HEXA: variants seen among roughly 807,000 people sequenced by gnomAD.
HEXA encodes beta-hexosaminidase subunit alpha.
Under a neutral mutation model 73.3 loss-of-function variants are expected in HEXA, and 54 were observed. The observed-to-expected ratio is 0.74, with a 90% CI of 0.59 to 0.92. The LOEUF is 0.92. Ranked by LOEUF, HEXA falls within the 40% of genes least tolerant of loss-of-function variation. The pLI, the probability that HEXA is intolerant of heterozygous loss-of-function variation, is 0.00. For synonymous variants in HEXA, 230 were observed against 246.9 expected (o/e 0.93, Z 0.64); for missense variants, 649 against 653.0 (o/e 0.99, Z 0.07).
At chr15:72,350,725 C>A (rs974434164) in intron 6 of HEXA, 75 bp from the exon 7 acceptor site, 52 of 1,559,190 alleles carry the variant, frequency 3.3e-5, no homozygotes, top group Non-Finnish European at 4.3e-5. Context: ...AAAATGCCCA[C>A]AAGACTCCCC....
chr15:72,370,697 TA>T (rs371092265), intron 1 of HEXA: 61 of 339,070 alleles, frequency 1.8e-4, no homozygotes, highest in African/African-American at 1.2e-3. Flanking sequence ...ACCTGTTTCT[TA>T]AAAAAAAAAA....
chr15:72,368,920 G>C (rs1466412199), intron 1 of HEXA, among the ~76,000 whole-genome samples: 1 of 152,224 alleles, frequency 6.6e-6, no homozygotes, highest in East Asian at 1.9e-4. Context: ...TACCTAGTAA[G>C]GCATCTCTCT....
chr15:72,360,935 G>A (rs1342331932), intron 1 of HEXA, among the ~76,000 whole-genome samples: 3 of 152,118 alleles, frequency 2.0e-5, no homozygotes, highest in African/African-American at 7.2e-5. Flanking sequence ...TCATGATGTT[G>A]GTCATACTTA....
intron 1 of HEXA, 24 bp downstream of exon 1, chr15:72,375,696 C>T (rs764977484): frequency 1.9e-6 from 3 of 1,613,692 alleles, no homozygotes; most frequent in Non-Finnish European, 2.5e-6. Flanking sequence ...GGCCCAGGAA[C>T]AGGGCGGGAC....
intron 3 of HEXA, chr15:72,354,387 T>G (rs1290602273): frequency 6.5e-6 from 1 of 152,842 alleles, no homozygotes; most frequent in Non-Finnish European, 1.5e-5. Flanking sequence ...CACACAGGTA[T>G]GTTGAACCCA....
At chr15:72,364,565 A>T (rs1387202734) in intron 1 of HEXA, among the ~76,000 whole-genome samples, 1 of 152,192 alleles carries the variant, frequency 6.6e-6, no homozygotes, top group African/African-American at 2.4e-5. Context: ...ATTGTGAAAG[A>T]TATCTGTAGG....
At chr15:72,353,468 A>G (rs1474281871) in intron 4 of HEXA, among the ~76,000 whole-genome samples, 1 of 152,218 alleles carries the variant, frequency 6.6e-6, no homozygotes, top group Admixed American at 6.5e-5. Context: ...GTGTGGCCTC[A>G]AGGTCATTAC....
At chr15:72,351,295 T>C (rs2140324836) in intron 5 of HEXA, 61 bp from the exon 6 acceptor site, 3 of 1,180,622 alleles carry the variant, frequency 2.5e-6, no homozygotes, top group South Asian at 1.2e-5. Flanking sequence ...GCCTCAAACT[T>C]GCGATGTTGG....
chr15:72,368,653 G>A (rs1027778874), intron 1 of HEXA, among the ~76,000 whole-genome samples: 5 of 152,186 alleles, frequency 3.3e-5, no homozygotes, highest in African/African-American at 1.2e-4. Context: ...CACACTCTAG[G>A]AGCAGCTTCC....
chr15:72,341,934 C>A lies in HEXA; in HGVS notation c.*2143G>T, dbSNP rs2088558429. On this transcript the variant is annotated 3_prime_UTR_variant, in exon 14 of 14. Transcript: ENST00000268097. ...CAACAGGAATAGAAAATGACAGAAC[C>A]CTACTGCTTTAACTCAAGTGTATCA... 6.6e-6 allele frequency: 1 copy of A among 152,098 alleles called. No homozygotes were observed. The highest frequency in any genetic ancestry group is 1.9e-4 in the East Asian group (1 of 5,202). The allele number at this position is 152,098 out of a possible 1,614,324, so 9.4% of individuals were successfully genotyped here. A position where few individuals can be genotyped will look rare whatever the true frequency, so the allele number is the denominator to read the frequency against.
chr15:72,375,034 T>C (rs2089041683), intron 1 of HEXA, among the ~76,000 whole-genome samples: 1 of 151,190 alleles, frequency 6.6e-6, no homozygotes, highest in Non-Finnish European at 1.5e-5. Context: ...TTCCTTATGT[T>C]CTATGATTTC....
At position 72,375,717 on chromosome 15, in the gene HEXA, C is replaced by CACCTT; in HGVS notation, c.253+2_253+3insAAGGT. ...GGAACAGGGCGGGACAAGTCCGACT[C>CACCTT]ACCTGTGAGGTAAGGACGGGGCCAA... On this transcript the variant is annotated splice_region_variant and intron_variant, in intron 1 of 13. Transcript: ENST00000268097. 6.2e-7 allele frequency: 1 copy of CACCTT among 1,614,090 alleles called. No individual in the cohort carries two copies. Among genetic ancestry groups the CACCTT allele is most frequent in the Non-Finnish European group, 8.5e-7 (1 of 1,180,006 alleles).
At chr15:72,370,740 G>A in intron 1 of HEXA, 2 of 381,076 alleles carry the variant, frequency 5.2e-6, no homozygotes, top group East Asian at 7.4e-5. Context: ...ACAGGGCTGT[G>A]AGAAGAGAGG....
rs557550173 is a variant in HEXA, at chr15:72,347,745, C to A, written c.1087G>T (p.Val363Phe). 7.4e-5 allele frequency: 119 copies of A among 1,614,014 alleles called. No individual in the cohort carries two copies. The highest frequency in any genetic ancestry group is 9.7e-5 in the Non-Finnish European group (114 of 1,179,978). Residue 363 changes from valine (V) to phenylalanine (F), a missense_variant, in exon 10 of 14, where the codon GTC becomes TTC. Physicochemically the swap from Val to Phe is conservative, Grantham distance 50 (BLOSUM62 -1). Transcript: ENST00000268097. ...SFYIQTLLDI[V>F]SSYGKGYVVW... The stretch of plus-strand genomic sequence containing the variant: ...ACATAGCCCTTGCCATAAGAAGAGA[C>A]GATGTCCAGCAGCCTGGAGAGGAGA...
chr15:72,345,671 C>A, intron 12 of HEXA, 121 bp from the exon 13 acceptor site: 1 of 1,519,956 alleles, frequency 6.6e-7, no homozygotes, highest in South Asian at 1.2e-5. Flanking sequence ...AGGAAGTGAT[C>A]AATACCTTGT....
intron 12 of HEXA, 153 bp from the exon 13 acceptor site, chr15:72,345,703 A>C: frequency 7.6e-7 from 1 of 1,314,842 alleles, no homozygotes; most frequent in Non-Finnish European, 1.1e-6. Flanking sequence ...GCCAGGTTGG[A>C]TGGCTCCCAG....
In HEXA at chr15:72,346,556, A is replaced by G. The variant is rs1183145125; in HGVS notation, c.1301T>C (p.Phe434Ser). The change falls in exon 11 of 14, where the codon TTC becomes TCC. Residue 434 changes from phenylalanine (F) to serine (S), a missense_variant. Physicochemically the swap from Phe to Ser is radical, Grantham distance 155. Transcript: ENST00000268097. Reference protein sequence around the residue: ...RISYGPDWKDFYIVEPLAFEG... With the variant: ...RISYGPDWKDSYIVEPLAFEG... ...AAATGCCAGGGGTTCCACTATGTAG[A>G]AATCCTTCCAGTCAGGGCCATAGGA... The G allele has an allele frequency of 3.1e-6, 5 of 1,614,082 alleles. No individual in the cohort carries two copies. The South Asian group carries it at 5.5e-5, about 18-fold the overall frequency.
rs537121523 is a variant in HEXA at position 72,352,742 on chromosome 15, C to T, written c.570+326G>A. Among the ~76,000 whole-genome samples the T allele has an allele frequency of 6.6e-4, 101 of 151,928 alleles. 1 individual carries two copies. Among genetic ancestry groups the T allele is most frequent in the African/African-American group, 2.4e-3 (99 of 41,466 alleles). On this transcript the variant is annotated intron_variant, in intron 5 of 13. Transcript: ENST00000268097. ...GCAGTGGCGTGATCTCCACCCACTG[C>T]AACCTCTGCCTCCTGGGTTCATGCG... is the stretch of plus-strand genomic sequence containing the variant.
chr15:72,350,993 T>C (rs2088687397), intron 6 of HEXA, 140 bp downstream of exon 6: 1 of 710,726 alleles, frequency 1.4e-6, no homozygotes, highest in Non-Finnish European at 2.6e-6. Flanking sequence ...TCAAGTCTCC[T>C]GACTCCAAAT....
Sources: gnomAD v4.1 joint callset for allele counts (sites outside exome capture counted in the v4.1 genomes callset) on GRCh38, gnomAD v4.1.1 for gene constraint, MANE v1.5 for transcripts, NCBI Gene and HGNC (gene_info 2026-07-23, HGNC 2026-07-21) for gene names.